PLCB1: variants seen among roughly 807,000 people sequenced by gnomAD.
The protein encoded by PLCB1 is phospholipase C beta 1, also known as 1-phosphatidylinositol 4,5-bisphosphate phosphodiesterase beta-1.
Under a neutral mutation model 161.8 loss-of-function variants are expected in PLCB1, and 46 were observed. The observed-to-expected ratio is 0.28, with a 90% CI of 0.22 to 0.36. PLCB1 has a LOEUF of 0.36. Ranked by LOEUF, PLCB1 falls within the 10% of genes least tolerant of loss-of-function variation. The pLI, the probability that PLCB1 is intolerant of heterozygous loss-of-function variation, is 1.00. For missense variants in PLCB1, 1,016 were observed against 1,472.5 expected (o/e 0.69, Z 5.07); for synonymous variants, 517 against 503.7 (o/e 1.03, Z -0.35).
intron 2 of PLCB1, among the ~76,000 whole-genome samples, chr20:8,161,278 A>T (rs62198534): frequency 6.6e-6 from 1 of 151,938 alleles, no homozygotes; most frequent in African/African-American, 2.4e-5. Flanking sequence ...GCCGTGCTAC[A>T]TATATACATA....
At position 8,684,171 on chromosome 20, in the gene PLCB1, A is replaced by G. The variant is rs1036459384; in HGVS notation, c.863-761A>G. Among the ~76,000 whole-genome samples the G allele has an allele frequency of 1.6e-4, 24 of 152,200 alleles. 1 individual carries two copies. The highest frequency in any genetic ancestry group is 1.4e-3 in the Admixed American group (22 of 15,302). ...AGTGCTGGGATTACAGGCGTGAGCC[A>G]CCGCGCCCAGCCCCAAAAACACTTT... On this transcript the variant is annotated intron_variant, in intron 9 of 31. Coordinates refer to ENST00000338037, the MANE Select transcript of PLCB1 (RefSeq NM_015192.4).
intron 2 of PLCB1, among the ~76,000 whole-genome samples, chr20:8,243,567 C>G (rs114560758): frequency 6.6e-6 from 1 of 151,974 alleles, no homozygotes; most frequent in East Asian, 2.0e-4. Flanking sequence ...ATAAATAGAA[C>G]CTTTAAAGAG....
At chr20:8,185,012 AC>A (rs1239257336) in intron 2 of PLCB1, among the ~76,000 whole-genome samples, 1 of 151,432 alleles carries the variant, frequency 6.6e-6, no homozygotes, top group Non-Finnish European at 1.5e-5. Context: ...TCACTGTTCA[AC>A]CCCCACTTAT....
intron 2 of PLCB1, among the ~76,000 whole-genome samples, chr20:8,333,391 T>G (rs1271154294): frequency 6.6e-6 from 1 of 152,230 alleles, no homozygotes; most frequent in Non-Finnish European, 1.5e-5. Context: ...ATGTCCAGCT[T>G]TTTACAATGC....
intron 3 of PLCB1, among the ~76,000 whole-genome samples, chr20:8,485,607 T>C (rs778900481): frequency 1.3e-5 from 2 of 152,216 alleles, no homozygotes; most frequent in Non-Finnish European, 2.9e-5. Flanking sequence ...ACAACATTAA[T>C]GACTGGGCAC....
intron 31 of PLCB1, among the ~76,000 whole-genome samples, chr20:8,813,641 G>C (rs1984940476): frequency 6.6e-6 from 1 of 152,002 alleles, no homozygotes. Context: ...ATCAGCCTGG[G>C]CAAGATAGTG....
intron 2 of PLCB1, among the ~76,000 whole-genome samples, chr20:8,232,225 AAG>A (rs35927160): frequency 0.024 from 3,469 of 147,554 alleles, 125 homozygotes; most frequent in African/African-American, 0.076. Flanking sequence ...CTCTTTAAAA[AAG>A]AGAGAGAGAG....
At chr20:8,538,652 A>G (rs1985148506) in intron 3 of PLCB1, among the ~76,000 whole-genome samples, 1 of 152,108 alleles carries the variant, frequency 6.6e-6, no homozygotes, top group African/African-American at 2.4e-5. Flanking sequence ...CCCAGCTGAT[A>G]AGGTACTCTT....
chr20:8,727,552 G>C (rs755547725), intron 17 of PLCB1, among the ~76,000 whole-genome samples, 159 bp downstream of exon 17: 4 of 152,004 alleles, frequency 2.6e-5, no homozygotes, highest in Admixed American at 6.6e-5. Flanking sequence ...AATGCTGGGC[G>C]GGGTAGTCTG....
At chr20:8,730,370 C>T (rs1042027775) in intron 18 of PLCB1, among the ~76,000 whole-genome samples, 6 of 150,082 alleles carry the variant, frequency 4.0e-5, no homozygotes, top group Non-Finnish European at 7.4e-5. Flanking sequence ...TGGAATTACA[C>T]GTTAATAGAT....
At position 8,745,858 on chromosome 20, in the gene PLCB1, T is replaced by C. The variant is rs1395673017; in HGVS notation, c.2523+4285T>C. 3.3e-5 allele frequency among the ~76,000 whole-genome samples: 5 copies of C among 152,212 alleles called. No individual in the cohort carries two copies. In the East Asian group the frequency reaches 9.6e-4, roughly 29 times the overall value. ...ATAGTAAACTAAAGAAATAAAATTT[T>C]AAAACCCTCTAATTCTGCAAATACT... is the stretch of plus-strand genomic sequence containing the variant. On this transcript the variant is annotated intron_variant, in intron 23 of 31. Transcript: ENST00000338037.
chr20:8,212,590 A>G (rs6055654), intron 2 of PLCB1, among the ~76,000 whole-genome samples: 2,757 of 152,232 alleles, frequency 0.018, 104 homozygotes, highest in African/African-American at 0.063. Flanking sequence ...TAATTTTAAA[A>G]GCAATATAAA....
chr20:8,594,240 G>T (rs902456230), intron 3 of PLCB1, among the ~76,000 whole-genome samples: 6 of 152,214 alleles, frequency 3.9e-5, no homozygotes, highest in East Asian at 1.9e-4. Context: ...TATAGCTTCT[G>T]TTTGATGTAT....
rs773275774 is a variant in PLCB1 at position 8,646,137 on chromosome 20, C to T, written c.420C>T (p.Asn140=). 1.2e-6 allele frequency: 2 copies of T among 1,613,642 alleles called. No homozygotes were observed. Among genetic ancestry groups the T allele is most frequent in the Non-Finnish European group, 1.7e-6 (2 of 1,179,588 alleles). Residue 140 remains asparagine, a synonymous_variant, in exon 5 of 32, where the codon AAC becomes AAT. Transcript: ENST00000338037. The part of the protein sequence containing the change: ...WTNEVFSLAT[N]LLAQNMSRDA... ...ATGAGGTTTTCAGTTTGGCAACAAA[C>T]CTGCTGGCCCAAAACATGTCCAGGG...
chr20:8,304,394 G>C (rs556250095), intron 2 of PLCB1, among the ~76,000 whole-genome samples: 1 of 152,068 alleles, frequency 6.6e-6, no homozygotes, highest in South Asian at 2.1e-4. Context: ...AGAGAAGCCT[G>C]TTTCATCTCT....
intron 31 of PLCB1, among the ~76,000 whole-genome samples, chr20:8,868,031 G>T (rs182747426): frequency 6.6e-6 from 1 of 152,068 alleles, no homozygotes; most frequent in South Asian, 2.1e-4. Context: ...TACTAGGTTG[G>T]TTATAACCCA....
chr20:8,866,986 G>T (rs1282123561), intron 31 of PLCB1, among the ~76,000 whole-genome samples: 1 of 152,080 alleles, frequency 6.6e-6, no homozygotes, highest in Non-Finnish European at 1.5e-5. Flanking sequence ...CCCTAGGACG[G>T]CTAACCACTC....
intron 31 of PLCB1, among the ~76,000 whole-genome samples, chr20:8,847,149 AT>A (rs1309842572): frequency 1.3e-5 from 2 of 152,180 alleles, no homozygotes; most frequent in Non-Finnish European, 2.9e-5. Context: ...GTTTAAATCA[AT>A]TTAGTGACAC....
At chr20:8,231,186 A>G (rs929056952) in intron 2 of PLCB1, among the ~76,000 whole-genome samples, 5 of 152,124 alleles carry the variant, frequency 3.3e-5, no homozygotes, top group Non-Finnish European at 7.4e-5. Context: ...CATGTATCAC[A>G]TGCTTTTGCT....
Sources: allele counts gnomAD v4.1 joint callset (sites outside exome capture counted in the v4.1 genomes callset), GRCh38; gene constraint gnomAD v4.1.1; transcripts MANE v1.5; gene names NCBI Gene and HGNC (gene_info 2026-07-23, HGNC 2026-07-21).